The following NCKAP5 variants were observed in gnomAD, a reference collection of about 807,000 sequenced individuals.
NCKAP5 encodes the protein nck-associated protein 5.
In NCKAP5, 92 loss-of-function variants were observed where a neutral mutation model predicts 167.0. The observed-to-expected ratio is 0.55, with a 90% confidence interval of 0.47 to 0.66. The LOEUF (loss-of-function observed/expected upper bound fraction) is 0.66, where lower values mean the gene tolerates loss of function less well. Among genes scored for constraint, NCKAP5 ranks in the 30% least tolerant of loss-of-function variants. NCKAP5 has a pLI of 0.00. For missense variants in NCKAP5, 2,378 were observed against 2,315.0 expected (o/e 1.03, Z -0.56); for synonymous variants, 891 against 877.4 (o/e 1.02, Z -0.27).
intron 3 of NCKAP5, among the ~76,000 whole-genome samples, chr2:133,368,128 T>A (rs1229590567): frequency 2.0e-5 from 3 of 152,208 alleles, no homozygotes; most frequent in African/African-American, 7.2e-5. Flanking sequence ...CAGCAGTCAA[T>A]ATATATTTCT....
At chr2:133,024,267 G>T (rs776247017) in intron 6 of NCKAP5, among the ~76,000 whole-genome samples, 1 of 152,142 alleles carries the variant, frequency 6.6e-6, no homozygotes, top group Admixed American at 6.6e-5. Flanking sequence ...TAAATAAGTT[G>T]CATGAAAACA....
intron 4 of NCKAP5, chr2:133,269,113 ACAGGC>A (rs1157091897): frequency 6.6e-6 from 1 of 152,174 alleles, no homozygotes; most frequent in Admixed American, 6.6e-5. Flanking sequence ...GCCTAAATTG[ACAGGC>A]CCACCTCCAA....
intron 5 of NCKAP5, among the ~76,000 whole-genome samples, chr2:133,188,625 G>T (rs56286303): frequency 0.064 from 9,695 of 152,158 alleles, 348 homozygotes; most frequent in African/African-American, 0.095. Context: ...TCAGGATTAA[G>T]AAACTCACTC....
intron 6 of NCKAP5, among the ~76,000 whole-genome samples, chr2:133,116,205 T>TCAGTCATGCAGAACATACCTCAA (rs1574076304): frequency 5.0e-5 from 7 of 139,080 alleles, no homozygotes; most frequent in South Asian, 2.2e-4. Context: ...GAAAAATTTG[T>TCAGTCATGCAGAACATACCTCAA]GGCCGGGCGC....
chr2:132,730,330 C>G (rs541084237), intron 17 of NCKAP5, among the ~76,000 whole-genome samples: 2 of 152,078 alleles, frequency 1.3e-5, no homozygotes. Flanking sequence ...CCCATCTCTA[C>G]TAAAAATACA....
At chr2:133,228,547 T>C (rs1001395148) in intron 4 of NCKAP5, among the ~76,000 whole-genome samples, 4 of 152,188 alleles carry the variant, frequency 2.6e-5, no homozygotes, top group Admixed American at 2.6e-4. Flanking sequence ...TAAGTCTATA[T>C]ATTTCTGTGT....
intron 9 of NCKAP5, among the ~76,000 whole-genome samples, chr2:132,871,362 G>T (rs1690797516): frequency 6.6e-6 from 1 of 152,156 alleles, no homozygotes; most frequent in African/African-American, 2.4e-5. Context: ...ATTCATGCAG[G>T]TTGAATCAGG....
At chr2:133,628,686 A>G in the NCKAP5 span, among the ~76,000 whole-genome samples, 1 of 152,220 alleles carries the variant, frequency 6.6e-6, no homozygotes, top group Non-Finnish European at 1.5e-5. Flanking sequence ...AGCCAAAACA[A>G]TTCTAAGCAA....
chr2:133,362,937 T>G (rs190028328), intron 3 of NCKAP5, among the ~76,000 whole-genome samples: 30 of 150,808 alleles, frequency 2.0e-4, no homozygotes, highest in African/African-American at 7.3e-4. Flanking sequence ...CGTTTTTTGT[T>G]TTTTTTTTTC....
chr2:133,066,954 G>A (rs1251123720), intron 6 of NCKAP5, among the ~76,000 whole-genome samples: 2 of 152,212 alleles, frequency 1.3e-5, no homozygotes, highest in Non-Finnish European at 2.9e-5. Context: ...TAACATTCAA[G>A]TGGTTTCTTG....
intron 3 of NCKAP5, among the ~76,000 whole-genome samples, chr2:133,398,005 A>T (rs2151011967): frequency 6.6e-6 from 1 of 152,212 alleles, no homozygotes; most frequent in South Asian, 2.1e-4. Context: ...TCAGTGTTGG[A>T]GAAAACTGTA....
At chr2:133,660,551 G>A in the NCKAP5 span, among the ~76,000 whole-genome samples, 1 of 151,938 alleles carries the variant, frequency 6.6e-6, no homozygotes, top group Non-Finnish European at 1.5e-5. Context: ...TTTCAACAGA[G>A]AATCATGATT....
intron 3 of NCKAP5, among the ~76,000 whole-genome samples, chr2:133,443,215 C>T (rs1018065264): frequency 2.6e-5 from 4 of 152,192 alleles, no homozygotes; most frequent in Non-Finnish European, 5.9e-5. Flanking sequence ...CCTTGCCCTG[C>T]CTGGCTGGGG....
chr2:132,672,953 T>TGGGGGGGGGGGGGGGGGGGGGGGGGGG lies in NCKAP5; in HGVS notation c.*335_*336insCCCCCCCCCCCCCCCCCCCCCCCCCCC. ...GTTTATTGTTATCTCTATCAAGCGGTGCACCCCCCACCCCCCACCCATCAT... is the reference window on the plus strand; with the variant it reads ...GTTTATTGTTATCTCTATCAAGCGGTGGGGGGGGGGGGGGGGGGGGGGGGGGGGCACCCCCCACCCCCCACCCATCAT... On this transcript the variant is annotated 3_prime_UTR_variant, in exon 20 of 20. Transcript: ENST00000409261. The TGGGGGGGGGGGGGGGGGGGGGGGGGGG allele has an allele frequency of 1.5e-6, 1 of 672,086 alleles. No homozygotes were observed. The highest frequency in any genetic ancestry group is 1.8e-6 in the Non-Finnish European group (1 of 547,592). The allele number at this position is 672,086 out of a possible 1,614,324, so 41.6% of individuals were successfully genotyped here.
At chr2:133,254,498 T>G (rs1048402079) in intron 4 of NCKAP5, among the ~76,000 whole-genome samples, 12 of 152,128 alleles carry the variant, frequency 7.9e-5, no homozygotes, top group Non-Finnish European at 1.6e-4. Context: ...TAATCAACTC[T>G]CAGAATTGTG....
intron 6 of NCKAP5, among the ~76,000 whole-genome samples, chr2:133,006,623 TTTA>T (rs200921158): frequency 0.27 from 31,128 of 114,384 alleles, 3,141 homozygotes; most frequent in South Asian, 0.45. Flanking sequence ...TTTATTTTAT[TTTA>T]TTTTTTTTTT....
At chr2:132,858,662 T>C (rs1689649917) in intron 11 of NCKAP5, among the ~76,000 whole-genome samples, 2 of 152,200 alleles carry the variant, frequency 1.3e-5, no homozygotes, top group Non-Finnish European at 2.9e-5. Flanking sequence ...CCATCTTTTA[T>C]AAATATTATT....
chr2:133,364,908 G>A (rs72989624), intron 3 of NCKAP5, among the ~76,000 whole-genome samples: 3,717 of 152,016 alleles, frequency 0.024, 152 homozygotes, highest in African/African-American at 0.084. Flanking sequence ...ATGCCACCAT[G>A]CTCGGCTAAT....
At chr2:133,572,765 C>T (rs373401715), upstream of NCKAP5, among the ~76,000 whole-genome samples, 14 of 152,118 alleles carry the variant, frequency 9.2e-5, no homozygotes, top group East Asian at 1.9e-3. Flanking sequence ...ATAGGAACAC[C>T]TCAGCATTCA....
Sources: allele counts gnomAD v4.1 joint callset (sites outside exome capture counted in the v4.1 genomes callset), GRCh38; gene constraint gnomAD v4.1.1; transcripts MANE v1.5; gene names NCBI Gene and HGNC (gene_info 2026-07-23, HGNC 2026-07-21).